The following DLG3 variants were observed in gnomAD, a reference collection of about 807,000 sequenced individuals.
DLG3 encodes the protein discs large MAGUK scaffold protein 3, also known as disks large homolog 3.
DLG3 carries 1 observed loss-of-function variant against 64.1 expected under a neutral mutation model. That is an observed-to-expected ratio of 0.02 (90% CI 0.01 to 0.07). The LOEUF (loss-of-function observed/expected upper bound fraction) is 0.07, where lower values mean the gene tolerates loss of function less well. Among genes scored for constraint, DLG3 ranks in the 10% least tolerant of loss-of-function variants. DLG3 has a pLI of 1.00. For synonymous variants in DLG3, 245 were observed against 259.8 expected (o/e 0.94, Z 0.55); for missense variants, 429 against 669.5 (o/e 0.64, Z 3.96).
rs776663320 is a variant in DLG3 at position 70,479,173 on chromosome X, A to G, written c.1429A>G (p.Ile477Val). The change falls in exon 10 of 19, where the codon ATA becomes GTA. Residue 477 changes from isoleucine to valine, a missense_variant. Transcript: ENST00000374360. ...AGAATACAGTCGCTTTGAATCGAAG[A>G]TACATGACTTACGAGAACAAATGAT... ...PEEYSRFESK[I>V]HDLREQMMNS... 1 of 1,210,379 alleles carries G rather than the reference A, an allele frequency of 8.3e-7. No homozygotes were observed. The highest frequency in any genetic ancestry group is 2.3e-4 in the Middle Eastern group (1 of 4,350).
In DLG3 at chrX:70,451,965, G is replaced by C. The variant is rs749248121; in HGVS notation, c.1084G>C (p.Val362Leu). 8.3e-7 allele frequency: 1 copy of C among 1,211,200 alleles called. No individual in the cohort carries two copies. The highest frequency in any genetic ancestry group is 3.0e-5 in the East Asian group (1 of 33,812). Residue 362 changes from valine to leucine, a missense_variant, in exon 7 of 19, where the codon GTT (valine) becomes CTT (leucine). Physicochemically the swap from Val to Leu is conservative, Grantham distance 32. Coordinates refer to ENST00000374360, the MANE Select transcript of DLG3 (RefSeq NM_021120.4). The part of the protein sequence containing the change: ...SKVSYPAPPQ[V>L]PPTRYSPIPR... The stretch of plus-strand genomic sequence containing the variant: ...GGTCAGCTACCCTGCTCCTCCTCAG[G>C]TTCCCCCCACCCGCTACTCTCCTAT...
In DLG3 at chrX:70,502,292, T is replaced by C; in HGVS notation, c.*23T>C. 9.2e-7 allele frequency: 1 copy of C among 1,082,930 alleles called. No homozygotes were observed. The highest frequency in any genetic ancestry group is 1.3e-6 in the Non-Finnish European group (1 of 781,049). The allele number at this position is 1,082,930 out of a possible 1,213,427, so 89.2% of individuals were successfully genotyped here. A position where few individuals can be genotyped will look rare whatever the true frequency, so the allele number is the denominator to read the frequency against. On this transcript the variant is annotated 3_prime_UTR_variant, in exon 19 of 19. Transcript: ENST00000374360. Reference sequence around the variant, plus strand: ...TGAAGAATCCCCTCCAACCATTCTCTTGTGAACAGAAGAAATCAAGTCCCT... The same window carrying C: ...TGAAGAATCCCCTCCAACCATTCTCCTGTGAACAGAAGAAATCAAGTCCCT...
intron 9 of DLG3, among the ~76,000 whole-genome samples, chrX:70,457,865 C>A (rs1484155676): frequency 9.3e-6 from 1 of 107,552 alleles, no homozygotes; most frequent in Non-Finnish European, 1.9e-5. Flanking sequence ...GCCACTGTGC[C>A]CGGCCTAAAA....
intron 10 of DLG3, among the ~76,000 whole-genome samples, chrX:70,480,564 C>T (rs1053907327): frequency 3.8e-4 from 43 of 111,831 alleles, no homozygotes; most frequent in Admixed American, 4.7e-4. Context: ...GTCATTTTTC[C>T]AATTCCCCGG....
chrX:70,455,382 C>T (rs991390973), intron 9 of DLG3: 36 of 739,248 alleles, frequency 4.9e-5, no homozygotes, highest in Non-Finnish European at 4.9e-5. Flanking sequence ...CCCTCGAATG[C>T]CTTCGTTGCG....
Position 70,493,425 on chromosome X carries a change from C to A in DLG3, c.1773+829C>A, listed in dbSNP as rs2087397006. On this transcript the variant is annotated intron_variant, in intron 12 of 18. Coordinates refer to ENST00000374360, the MANE Select transcript of DLG3 (RefSeq NM_021120.4). ...AGTTTCCGCCTCTCTCGAAAGTTTC[C>A]ATTTTACAAGAGCAAAGAAAACATG... is the stretch of plus-strand genomic sequence containing the variant. The A allele has an allele frequency of 1.7e-6, 2 of 1,209,638 alleles. No homozygotes were observed. Among genetic ancestry groups the A allele is most frequent in the South Asian group, 3.5e-5 (2 of 56,606 alleles).
chrX:70,498,003 A>G (rs1053340972), intron 13 of DLG3, among the ~76,000 whole-genome samples: 3 of 111,502 alleles, frequency 2.7e-5, no homozygotes, highest in Admixed American at 9.5e-5. Flanking sequence ...GGCACTGGGG[A>G]CCTTAGCAGA....
At chrX:70,496,990 A>G in intron 13 of DLG3, among the ~76,000 whole-genome samples, 1 of 112,343 alleles carries the variant, frequency 8.9e-6, no homozygotes, top group South Asian at 3.7e-4. Flanking sequence ...TCTGGGGACA[A>G]GTACGAGAGG....
chrX:70,491,073 C>T (rs1314060597), intron 10 of DLG3, among the ~76,000 whole-genome samples: 2 of 110,774 alleles, frequency 1.8e-5, no homozygotes, highest in African/African-American at 3.3e-5. Flanking sequence ...ACATCACACC[C>T]AGCTAATTTT....
chrX:70,465,283 A>T lies in DLG3; in HGVS notation c.1405+10967A>T, dbSNP rs189756381. On this transcript the variant is annotated intron_variant, in intron 9 of 18. Transcript: ENST00000374360. ...CACTATATCTAGATTTCTGCAAGGC[A>T]TTCACAAAACTTCTTTGGTCTACTT... 2.7e-5 allele frequency among the ~76,000 whole-genome samples: 3 copies of T among 112,267 alleles called. No individual in the cohort carries two copies. The East Asian group carries it at 8.4e-4, about 31-fold the overall frequency.
intron 10 of DLG3, among the ~76,000 whole-genome samples, chrX:70,481,340 T>C (rs2087151341): frequency 8.9e-6 from 1 of 112,522 alleles, no homozygotes. Context: ...CTTACTGCAT[T>C]TGCCAAATTA....
At chrX:70,447,031 C>T (rs1428606318) in intron 1 of DLG3, among the ~76,000 whole-genome samples, 1 of 112,008 alleles carries the variant, frequency 8.9e-6, no homozygotes, top group Admixed American at 9.4e-5. Flanking sequence ...CCTCTCTCTC[C>T]TTTGCCCCCT....
In DLG3 at chrX:70,450,374, C is replaced by T. The variant is rs917803292; in HGVS notation, c.840+69C>T. 3.1e-5 allele frequency: 34 copies of T among 1,107,750 alleles called. No homozygotes were observed. The African/African-American group carries it at 3.7e-4, about 12-fold the overall frequency. 91.3% of individuals were successfully genotyped at this position (1,107,750 alleles called of 1,213,427 possible). ...GGAGGAGCTCCAGTACCCCTTACTC[C>T]GCCTAAACCTCACTCAGGGATGAGG... is the stretch of plus-strand genomic sequence containing the variant. On this transcript the variant is annotated intron_variant, in intron 5 of 18. Transcript: ENST00000374360.
chrX:70,448,809 G>C, intron 1 of DLG3, 104 bp from the exon 2 acceptor site: 2 of 1,055,229 alleles, frequency 1.9e-6, no homozygotes, highest in East Asian at 6.2e-5. Flanking sequence ...GGGTGCACTT[G>C]GGCTCTTCTA....
chrX:70,452,235 AG>A, intron 7 of DLG3: 1 of 1,078,133 alleles, frequency 9.3e-7, no homozygotes, highest in Non-Finnish European at 1.2e-6. Context: ...CTCTACCATC[AG>A]GGGGAGTGCC....
In DLG3 at chrX:70,453,676, C is replaced by A. The variant is rs1392756639; in HGVS notation, c.1185C>A (p.Gly395=). The A allele has an allele frequency of 8.3e-7, 1 of 1,207,374 alleles. No individual in the cohort carries two copies. The part of the protein sequence containing the change: ...RKIILHKGST[G]LGFNIVGGED... The stretch of plus-strand genomic sequence containing the variant: ...TCATCCTGCACAAAGGCTCCACAGG[C>A]CTGGGCTTCAACATCGTAGGAGGAG... Residue 395 remains glycine (G), a synonymous_variant, in exon 8 of 19, where the codon GGC becomes GGA. Coordinates refer to ENST00000374360, the MANE Select transcript of DLG3 (RefSeq NM_021120.4).
intron 4 of DLG3, 114 bp downstream of exon 4, chrX:70,449,973 C>G: frequency 9.8e-7 from 1 of 1,019,758 alleles, no homozygotes. Context: ...TCCCCCTGTT[C>G]CAACTCACAG....
At chrX:70,499,770 T>TG in intron 15 of DLG3, 107 bp from the exon 16 acceptor site, 4 of 793,818 alleles carry the variant, frequency 5.0e-6, no homozygotes, top group Non-Finnish European at 7.4e-6. Context: ...AAAAAAAAAA[T>TG]GGAGTGGCCC....
In DLG3 at chrX:70,476,210, T is replaced by G. The variant is rs181068774; in HGVS notation, c.1406-2940T>G. On this transcript the variant is annotated intron_variant, in intron 9 of 18. Transcript: ENST00000374360. ...GGAAAGAGGGCGATGACTGGATATC[T>G]TTGTGGGTCACAAACAGTTGGGTTC... Among the ~76,000 whole-genome samples, 336 of 112,304 alleles carry G rather than the reference T, an allele frequency of 3.0e-3. 3 individuals carry two copies. Among genetic ancestry groups the G allele is most frequent in the African/African-American group, 0.01 (313 of 30,973 alleles).
Sources: gnomAD v4.1 joint callset for allele counts (sites outside exome capture counted in the v4.1 genomes callset) on GRCh38, gnomAD v4.1.1 for gene constraint, MANE v1.5 for transcripts, NCBI Gene and HGNC (gene_info 2026-07-23, HGNC 2026-07-21) for gene names.